The following COX5A variants were observed in gnomAD, a reference collection of about 807,000 sequenced individuals.
The protein encoded by COX5A is cytochrome c oxidase subunit 5A.
COX5A carries 6 observed loss-of-function variants against 16.1 expected under a neutral mutation model. The observed-to-expected ratio is 0.37, with a 90% CI of 0.20 to 0.73. The LOEUF (loss-of-function observed/expected upper bound fraction) is 0.73, where lower values mean the gene tolerates loss of function less well. COX5A is among the 30% of genes least tolerant of loss of function. The pLI, the probability that COX5A is intolerant of heterozygous loss-of-function variation, is 0.50. For synonymous variants in COX5A, 73 were observed against 73.8 expected, an observed-to-expected ratio of 0.99 and a Z score of 0.06; for missense variants, 159 against 194.9, an observed-to-expected ratio of 0.82 and a Z score of 1.10.
Position 74,931,600 on chromosome 15 carries a change from C to T in COX5A, c.101-2368G>A, listed in dbSNP as rs549006663. Among the ~76,000 whole-genome samples, 350 of 147,990 alleles carry T rather than the reference C, an allele frequency of 2.4e-3. 7 individuals are homozygous for T. The highest frequency in any genetic ancestry group is 0.023 in the Admixed American group (339 of 14,650). ...ATCGAGTCTCACTCTGTCACCCAGG[C>T]TGAAATGCAGTGGAACAATCTCAGC... is the stretch of plus-strand genomic sequence containing the variant. On this transcript the variant is annotated intron_variant, in intron 1 of 4. Transcript: ENST00000322347.
At chr15:74,930,057 C>T (rs376273228) in intron 1 of COX5A, among the ~76,000 whole-genome samples, 23 of 149,776 alleles carry the variant, frequency 1.5e-4, no homozygotes, top group East Asian at 6.0e-4. Flanking sequence ...CCAGCCTGGG[C>T]GACAGAGCAA....
chr15:74,924,761 T>C (rs1212848730), intron 3 of COX5A, among the ~76,000 whole-genome samples: 2 of 152,194 alleles, frequency 1.3e-5, no homozygotes, highest in East Asian at 3.8e-4. Flanking sequence ...TGCCTCCAAT[T>C]TGAGACCTTA....
Position 74,937,931 on chromosome 15 carries a change from G to A in COX5A, c.84C>T (p.Thr28=), listed in dbSNP as rs748028669. ...GGGCCTTACCCACGGCGGGGCCGGG[G>A]GTCCGGGCGGAGTGCAGGAGGCCTC... The part of the protein sequence containing the change: ...DPRGLLHSAR[T]PGPAVAIQSV... The change falls in exon 1 of 5, where the codon ACC becomes ACT. Residue 28 remains threonine (T), a synonymous_variant. Transcript: ENST00000322347. 9 of 1,232,196 alleles carry A rather than the reference G, an allele frequency of 7.3e-6. No homozygotes were observed. The highest frequency in any genetic ancestry group is 4.2e-5 in the Admixed American group (1 of 23,658). The allele number at this position is 1,232,196 out of a possible 1,614,324, so 76.3% of individuals were successfully genotyped here. A position where few individuals can be genotyped will look rare whatever the true frequency, so the allele number is the denominator to read the frequency against.
intron 2 of COX5A, among the ~76,000 whole-genome samples, chr15:74,927,411 G>A (rs1056024730): frequency 3.3e-5 from 5 of 151,944 alleles, no homozygotes; most frequent in Non-Finnish European, 5.9e-5. Flanking sequence ...TCCTGACCTC[G>A]TGATCCACCT....
intron 1 of COX5A, among the ~76,000 whole-genome samples, chr15:74,937,108 G>A (rs2065394407): frequency 6.6e-6 from 1 of 152,048 alleles, no homozygotes; most frequent in Admixed American, 6.6e-5. Flanking sequence ...TTATTCTATG[G>A]TGGTGGACTC....
chr15:74,928,703 T>C (rs2065354110), intron 2 of COX5A, among the ~76,000 whole-genome samples: 1 of 152,166 alleles, frequency 6.6e-6, no homozygotes, highest in African/African-American at 2.4e-5. Context: ...TTGTTTGAAA[T>C]GTACAAAACT....
rs202155044 is a variant in COX5A, at chr15:74,936,313, AC to A, written c.100+1601del. ...AAACAAAACAAAAACAAACAAACAA[AC>A]AAAAAAAAACAAGGAGTCAGTTTCC... On this transcript the variant is annotated intron_variant, in intron 1 of 4. Transcript: ENST00000322347. Among the ~76,000 whole-genome samples the A allele has an allele frequency of 5.6e-4, 83 of 148,870 alleles. 2 individuals carry two copies. The highest frequency in any genetic ancestry group is 2.7e-3 in the Admixed American group (41 of 14,934).
intron 4 of COX5A, among the ~76,000 whole-genome samples, chr15:74,923,052 T>C (rs912668775): frequency 2.6e-5 from 4 of 152,232 alleles, no homozygotes; most frequent in African/African-American, 9.6e-5. Context: ...TATTATCATC[T>C]ATGCTACTGT....
At chr15:74,926,133 G>A (rs1456870402) in intron 3 of COX5A, among the ~76,000 whole-genome samples, 9 of 149,418 alleles carry the variant, frequency 6.0e-5, no homozygotes, top group Non-Finnish European at 8.9e-5. Context: ...TTTGCCTCCC[G>A]GGTTCACGCC....
In COX5A at chr15:74,928,967, T is replaced by C. The variant is rs917265607; in HGVS notation, c.217+149A>G. The C allele has an allele frequency of 2.8e-5, 19 of 674,986 alleles. No individual in the cohort carries two copies. The South Asian group carries it at 2.9e-4, about 10-fold the overall frequency. The allele number at this position is 674,986 out of a possible 1,614,324, so 41.8% of individuals were successfully genotyped here. On this transcript the variant is annotated intron_variant, in intron 2 of 4. Coordinates refer to ENST00000322347, the MANE Select transcript of COX5A (RefSeq NM_004255.4). ...GTGCCTGCCTTAAAATCCTGCTTTA[T>C]AGGTAGCCATAAACTTTCCTAACTG...
chr15:74,926,704 C>G, intron 3 of COX5A, 62 bp downstream of exon 3: 1 of 1,529,970 alleles, frequency 6.5e-7, no homozygotes, highest in Non-Finnish European at 8.8e-7. Context: ...ACAGAATATT[C>G]TGATACCTCA....
chr15:74,922,029 A>G (rs913980412), intron 4 of COX5A, among the ~76,000 whole-genome samples: 2 of 152,232 alleles, frequency 1.3e-5, no homozygotes, highest in East Asian at 3.9e-4. Context: ...CTCTATAACA[A>G]AATTAAAAAT....
rs544823898 is a variant in COX5A at position 74,929,805 on chromosome 15, C to T, written c.101-573G>A. Among the ~76,000 whole-genome samples the T allele has an allele frequency of 2.0e-4, 30 of 152,110 alleles. No individual in the cohort carries two copies. In the South Asian group the frequency reaches 5.4e-3, roughly 27 times the overall value. The stretch of plus-strand genomic sequence containing the variant: ...TTCTAAAAACTAAGAATAGGCCAGG[C>T]GCAGTGGCTCACGCCTGTAATCCCA... On this transcript the variant is annotated intron_variant, in intron 1 of 4. Transcript: ENST00000322347.
intron 1 of COX5A, among the ~76,000 whole-genome samples, chr15:74,934,443 A>G (rs1437623447): frequency 6.6e-6 from 1 of 151,246 alleles, no homozygotes; most frequent in Non-Finnish European, 1.5e-5. Flanking sequence ...CCATTCTCCT[A>G]TCTCAGCCTT....
At chr15:74,937,649 C>G (rs898009190) in intron 1 of COX5A, 1 of 291,700 alleles carries the variant, frequency 3.4e-6, no homozygotes, top group Non-Finnish European at 6.4e-6. Context: ...GGGAGCGCTG[C>G]GTCCCCTCCT....
chr15:74,936,937 T>C (rs555486918), intron 1 of COX5A, among the ~76,000 whole-genome samples: 2 of 152,294 alleles, frequency 1.3e-5, no homozygotes, highest in South Asian at 4.1e-4. Context: ...CTGAGTTCTT[T>C]TTTTAATTTT....
At chr15:74,926,221 T>C (rs1198625383) in intron 3 of COX5A, among the ~76,000 whole-genome samples, 3 of 151,616 alleles carry the variant, frequency 2.0e-5, no homozygotes, top group Non-Finnish European at 2.9e-5. Flanking sequence ...TTTGTATTTT[T>C]AGTAGAGACA....
intron 3 of COX5A, among the ~76,000 whole-genome samples, chr15:74,924,113 G>A (rs1389129430): frequency 6.6e-6 from 1 of 152,122 alleles, no homozygotes; most frequent in Non-Finnish European, 1.5e-5. Flanking sequence ...CCCGGGAAGC[G>A]GAGGTTGCAG....
At chr15:74,926,681 C>G (rs2141271591) in intron 3 of COX5A, 85 bp downstream of exon 3, 23 of 1,429,542 alleles carry the variant, frequency 1.6e-5, no homozygotes, top group Non-Finnish European at 2.1e-5. Context: ...GGCATTTTAA[C>G]AAATTCAAAA....
Sources: allele counts gnomAD v4.1 joint callset (sites outside exome capture counted in the v4.1 genomes callset), GRCh38; gene constraint gnomAD v4.1.1; transcripts MANE v1.5; gene names NCBI Gene and HGNC (gene_info 2026-07-23, HGNC 2026-07-21).